The following HELZ variants were observed in gnomAD, a reference collection of about 807,000 sequenced individuals.
HELZ encodes the protein helicase with zinc finger.
A neutral mutation model predicts 218.2 loss-of-function variants in HELZ; 23 were observed. The observed-to-expected ratio is 0.11, with a 90% CI of 0.08 to 0.15. The LOEUF is 0.15. Ranked by LOEUF, HELZ falls within the 10% of genes least tolerant of loss-of-function variation. HELZ has a pLI of 1.00. For missense variants in HELZ, 1,813 were observed against 2,353.7 expected (o/e 0.77, Z 4.75); for synonymous variants, 814 against 829.4 (o/e 0.98, Z 0.32).
At chr17:67,215,052 G>A (rs1033593723) in intron 5 of HELZ, among the ~76,000 whole-genome samples, 3 of 152,098 alleles carry the variant, frequency 2.0e-5, no homozygotes, top group African/African-American at 7.2e-5. Flanking sequence ...GCTGAGGCAG[G>A]AGGACTGCTT....
intron 5 of HELZ, 177 bp downstream of exon 5, chr17:67,215,722 G>A: frequency 1.6e-6 from 1 of 629,578 alleles, no homozygotes; most frequent in Non-Finnish European, 2.9e-6. Context: ...ATGAGTAAGA[G>A]CAATGTTCAC....
At chr17:67,199,252 G>A (rs2040108374) in intron 7 of HELZ, among the ~76,000 whole-genome samples, 1 of 133,026 alleles carries the variant, frequency 7.5e-6, no homozygotes, top group African/African-American at 2.8e-5. Flanking sequence ...TCACTCTGTC[G>A]CCCAGGCTGG....
Position 67,230,939 on chromosome 17 carries a change from T to C in HELZ, c.-19+8494A>G, listed in dbSNP as rs2041021493. On this transcript the variant is annotated intron_variant, in intron 3 of 32. Coordinates refer to ENST00000358691, the MANE Select transcript of HELZ (RefSeq NM_014877.4). ...AAAGCAAGTTACAAAATAATATATA[T>C]GGTATAATCCCATTTTGTAAGTAAA... Among the ~76,000 whole-genome samples, 2 of 152,222 alleles carry C rather than the reference T, an allele frequency of 1.3e-5. 1 individual carries two copies. The highest frequency in any genetic ancestry group is 4.1e-4 in the South Asian group (2 of 4,832).
rs10692832 is a variant in HELZ, at chr17:67,212,314, C to CAAAAAAAAAAAAAAAAAAAAA, written c.247+3564_247+3584dup. Among the ~76,000 whole-genome samples, 22 of 21,402 alleles carry CAAAAAAAAAAAAAAAAAAAAA rather than the reference C, an allele frequency of 1.0e-3. 5 individuals carry two copies. The highest frequency in any genetic ancestry group is 8.8e-3 in the South Asian group (2 of 228). The allele number at this position is 21,402 out of a possible 152,430, so 14.0% of individuals were successfully genotyped here. A position where few individuals can be genotyped will look rare whatever the true frequency, so the allele number is the denominator to read the frequency against. On this transcript the variant is annotated intron_variant, in intron 5 of 32. Coordinates refer to ENST00000358691, the MANE Select transcript of HELZ (RefSeq NM_014877.4). ...TGGGCGACAGGGAGAGACACCATCT[C>CAAAAAAAAAAAAAAAAAAAAA]AAAAAAAAAAAAAAAAAAAAAGGCT...
intron 5 of HELZ, among the ~76,000 whole-genome samples, chr17:67,211,025 A>G (rs1262317029): frequency 6.6e-6 from 1 of 152,250 alleles, no homozygotes; most frequent in African/African-American, 2.4e-5. Flanking sequence ...TCAGACAATG[A>G]AAAGTGACTT....
At chr17:67,190,898 C>T (rs1400627844) in intron 9 of HELZ, among the ~76,000 whole-genome samples, 8 of 151,990 alleles carry the variant, frequency 5.3e-5, no homozygotes, top group Admixed American at 2.6e-4. Flanking sequence ...TTAGTAGAGA[C>T]GGGGTTTCAT....
At chr17:67,222,971 G>C (rs1043776985) in intron 3 of HELZ, among the ~76,000 whole-genome samples, 2 of 152,006 alleles carry the variant, frequency 1.3e-5, no homozygotes, top group African/African-American at 4.8e-5. Context: ...AGTGAGGCCG[G>C]GCACGGTGGC....
At chr17:67,236,334 G>A (rs1465615951) in intron 3 of HELZ, among the ~76,000 whole-genome samples, 1 of 152,070 alleles carries the variant, frequency 6.6e-6, no homozygotes, top group African/African-American at 2.4e-5. Flanking sequence ...AGCACAAACT[G>A]GTATAACACC....
Position 67,136,041 on chromosome 17 carries a change from G to T in HELZ, c.3111C>A (p.Ala1037=), listed in dbSNP as rs1285110185. ...FLSNYKLLNT[A]ITRAQSLVAV... ...CAACCAGGGATTGTGCTCTTGTGATGGCAGTATTGAGAAGCTTGTAGTTAG... is the reference window on the plus strand; with the variant it reads ...CAACCAGGGATTGTGCTCTTGTGATTGCAGTATTGAGAAGCTTGTAGTTAG... The change falls in exon 23 of 33, where the codon GCC becomes GCA. Residue 1037 remains alanine, a synonymous_variant. Transcript: ENST00000358691. The T allele has an allele frequency of 1.2e-6, 2 of 1,613,928 alleles. No homozygotes were observed. The highest frequency in any genetic ancestry group is 2.2e-5 in the South Asian group (2 of 91,074).
intron 25 of HELZ, 122 bp downstream of exon 25, chr17:67,123,841 G>GTGTGTA (rs2037698304): frequency 1.4e-6 from 1 of 736,126 alleles, no homozygotes; most frequent in Admixed American, 2.0e-5. Flanking sequence ...GTGTGTGTGT[G>GTGTGTA]TGTGTCAGAG....
intron 7 of HELZ, among the ~76,000 whole-genome samples, chr17:67,199,961 T>A (rs1228444231): frequency 6.6e-6 from 1 of 152,208 alleles, no homozygotes; most frequent in African/African-American, 2.4e-5. Context: ...GAAGAGTTCA[T>A]TCTTTTCCCT....
chr17:67,155,602 C>T (rs1418916584), intron 17 of HELZ, among the ~76,000 whole-genome samples: 6 of 152,014 alleles, frequency 3.9e-5, no homozygotes, highest in Non-Finnish European at 7.4e-5. Context: ...TTTGGGAGGC[C>T]GAGGCGGGCA....
intron 28 of HELZ, among the ~76,000 whole-genome samples, chr17:67,113,422 G>A (rs1214873860): frequency 6.6e-6 from 1 of 152,056 alleles, no homozygotes; most frequent in African/African-American, 2.4e-5. Flanking sequence ...ACCACGCCCG[G>A]CTAATTTTTT....
intron 21 of HELZ, among the ~76,000 whole-genome samples, chr17:67,139,183 A>G (rs548899993): frequency 6.6e-6 from 1 of 152,296 alleles, no homozygotes; most frequent in Non-Finnish European, 1.5e-5. Context: ...AGCAGTTCCC[A>G]TGTCCAGATA....
chr17:67,093,878 T>G (rs1220908291), intron 31 of HELZ, among the ~76,000 whole-genome samples: 3 of 152,234 alleles, frequency 2.0e-5, no homozygotes, highest in Admixed American at 6.5e-5. Context: ...TTTAGCCTTA[T>G]AAAACTCAAT....
intron 10 of HELZ, 129 bp from the exon 11 acceptor site, chr17:67,189,825 C>A (rs1567876553): frequency 1.6e-6 from 1 of 637,494 alleles, no homozygotes; most frequent in South Asian, 2.1e-5. Flanking sequence ...GTATTTTATA[C>A]CTTCATTTTC....
chr17:67,070,528 G>T lies in HELZ; in HGVS notation c.*7724C>A, dbSNP rs567194762. 1 of 152,240 alleles carries T rather than the reference G, an allele frequency of 6.6e-6. No homozygotes were observed. The highest frequency in any genetic ancestry group is 6.5e-5 in the Admixed American group (1 of 15,286). The allele number at this position is 152,240 out of a possible 1,614,324, so 9.4% of individuals were successfully genotyped here. ...TTACCATGAATCTTTGAAAACAAAAGAACTTCACTGAGACAATGAGCACAC... is the reference window on the plus strand; with the variant it reads ...TTACCATGAATCTTTGAAAACAAAATAACTTCACTGAGACAATGAGCACAC... On this transcript the variant is annotated 3_prime_UTR_variant, in exon 33 of 33. Coordinates refer to ENST00000358691, the MANE Select transcript of HELZ (RefSeq NM_014877.4).
At chr17:67,186,833 A>C (rs2039768972) in intron 12 of HELZ, among the ~76,000 whole-genome samples, 1 of 152,174 alleles carries the variant, frequency 6.6e-6, no homozygotes, top group Non-Finnish European at 1.5e-5. Context: ...TCTCTTTATG[A>C]CTTAAATCTC....
At chr17:67,168,583 T>C (rs2039217874) in intron 13 of HELZ, among the ~76,000 whole-genome samples, 1 of 152,194 alleles carries the variant, frequency 6.6e-6, no homozygotes, top group Admixed American at 6.5e-5. Flanking sequence ...AGCCATAAAA[T>C]ATCTCTTTCA....
Sources: allele counts gnomAD v4.1 joint callset (sites outside exome capture counted in the v4.1 genomes callset), GRCh38; gene constraint gnomAD v4.1.1; transcripts MANE v1.5; gene names NCBI Gene and HGNC (gene_info 2026-07-23, HGNC 2026-07-21).